The following MTPN variants were observed in gnomAD, a reference collection of about 807,000 sequenced individuals.
MTPN encodes myotrophin.
A neutral mutation model predicts 13.5 loss-of-function variants in MTPN; 2 were observed. That is an observed-to-expected ratio of 0.15 (90% CI 0.06 to 0.47). The LOEUF (loss-of-function observed/expected upper bound fraction) is 0.47. MTPN is among the 20% of genes least tolerant of loss of function. MTPN has a pLI of 0.97. For synonymous variants in MTPN, 46 were observed against 51.7 expected (o/e 0.89, Z 0.48); for missense variants, 79 against 137.9 (o/e 0.57, Z 2.14).
chr7:135,949,202 T>C, intron 3 of MTPN, among the ~76,000 whole-genome samples: 1 of 152,226 alleles, frequency 6.6e-6, no homozygotes, highest in East Asian at 1.9e-4. Flanking sequence ...TCCTAACTAA[T>C]ACAATATTGA....
chr7:135,972,371 A>AAG lies in MTPN; in HGVS notation c.72+4656_72+4657dup, dbSNP rs113177302. Among the ~76,000 whole-genome samples the AAG allele has an allele frequency of 1.2e-4, 19 of 152,368 alleles. No individual in the cohort carries two copies. In the South Asian group the frequency reaches 1.9e-3, roughly 15 times the overall value. The stretch of plus-strand genomic sequence containing the variant: ...GCCTCAGGTTCTTCATCCTTAAAAT[A>AAG]AGATTATTACTTATACTGAAACACT... On this transcript the variant is annotated intron_variant, in intron 1 of 3. Transcript: ENST00000393085.
At chr7:135,968,667 T>C (rs13246619) in intron 1 of MTPN, among the ~76,000 whole-genome samples, 1,760 of 151,290 alleles carry the variant, frequency 0.012, 16 homozygotes, top group African/African-American at 0.021. Flanking sequence ...CTAAGATGAT[T>C]CATAAAGAAT....
Position 135,929,430 on chromosome 7 carries a change from T to C in MTPN, c.*496A>G, listed in dbSNP as rs892725405. ...ACCTTATAGGCAGCGCTCTTAACTA[T>C]GCCAGGAAATCCCCAGTAGAGTGCA... On this transcript the variant is annotated 3_prime_UTR_variant, in exon 4 of 4. Transcript: ENST00000393085. The C allele has an allele frequency of 1.8e-5, 3 of 169,120 alleles. No individual in the cohort carries two copies. In the Admixed American group the frequency reaches 1.9e-4, roughly 11 times the overall value. The allele number at this position is 169,120 out of a possible 1,614,324, so 10.5% of individuals were successfully genotyped here. A position where few individuals can be genotyped will look rare whatever the true frequency, so the allele number is the denominator to read the frequency against.
chr7:135,930,124 T>A, intron 3 of MTPN, 112 bp from the exon 4 acceptor site: 1 of 903,762 alleles, frequency 1.1e-6, no homozygotes, highest in Non-Finnish European at 1.7e-6. Context: ...AAAAATTCCT[T>A]TACTAGTGGA....
chr7:135,961,933 TG>T (rs1233643278), intron 1 of MTPN, among the ~76,000 whole-genome samples: 1 of 152,002 alleles, frequency 6.6e-6, no homozygotes, highest in Non-Finnish European at 1.5e-5. Flanking sequence ...AAGCTAGTTA[TG>T]AATTATCTGA....
intron 1 of MTPN, among the ~76,000 whole-genome samples, chr7:135,972,231 G>GCGCGCGCGCGCACACACACACACACA (rs779296906): frequency 1.6e-5 from 2 of 124,714 alleles, no homozygotes; most frequent in African/African-American, 6.0e-5. Context: ...GCACGCGCGC[G>GCGCGCGCGCGCACACACACACACACA]CACACACACA....
intron 1 of MTPN, among the ~76,000 whole-genome samples, chr7:135,973,027 T>C (rs1273639708): frequency 6.6e-6 from 1 of 150,388 alleles, no homozygotes; most frequent in Non-Finnish European, 1.5e-5. Context: ...GCCCAGATAA[T>C]AGTGGCCTAG....
intron 3 of MTPN, among the ~76,000 whole-genome samples, chr7:135,940,031 G>T (rs1156858786): frequency 1.3e-5 from 2 of 152,056 alleles, no homozygotes; most frequent in East Asian, 3.9e-4. Flanking sequence ...TCATTAGAAA[G>T]AATACTGTCA....
chr7:135,951,124 C>T (rs767892553), intron 2 of MTPN, among the ~76,000 whole-genome samples: 1 of 152,140 alleles, frequency 6.6e-6, no homozygotes, highest in Non-Finnish European at 1.5e-5. Context: ...GAGATGACTG[C>T]GCTTATCTGA....
chr7:135,975,813 AC>A (rs1160709884), intron 1 of MTPN, among the ~76,000 whole-genome samples: 2 of 152,240 alleles, frequency 1.3e-5, no homozygotes, highest in African/African-American at 4.8e-5. Context: ...ACTGCAAAAA[AC>A]TAAGCAGGTA....
intron 1 of MTPN, among the ~76,000 whole-genome samples, chr7:135,973,422 C>A (rs1160524651): frequency 6.6e-6 from 1 of 151,244 alleles, no homozygotes; most frequent in Non-Finnish European, 1.5e-5. Context: ...CCAGTTTGGA[C>A]AAATGGTTGG....
In MTPN at chr7:135,977,168, C is replaced by A. The variant is rs569193933; in HGVS notation, c.-68G>T. The stretch of plus-strand genomic sequence containing the variant: ...AGGCGGTGGCAGCAGCAAGCGGATG[C>A]CGCCGGGCGAGAGGGAGGCAGGGCC... On this transcript the variant is annotated 5_prime_UTR_variant, in exon 1 of 4. Transcript: ENST00000393085. 668 of 1,540,706 alleles carry A rather than the reference C, an allele frequency of 4.3e-4. 6 individuals are homozygous for A. The African/African-American group carries it at 7.5e-3, about 17-fold the overall frequency.
chr7:135,955,248 GA>G (rs1031044842), intron 1 of MTPN, among the ~76,000 whole-genome samples: 2 of 151,592 alleles, frequency 1.3e-5, no homozygotes, highest in African/African-American at 2.4e-5. Flanking sequence ...TAAGAAACTA[GA>G]AAAAAAATTA....
chr7:135,967,450 G>A (rs1378314307), intron 1 of MTPN, among the ~76,000 whole-genome samples: 1 of 152,148 alleles, frequency 6.6e-6, no homozygotes, highest in Non-Finnish European at 1.5e-5. Context: ...GACTTCATTA[G>A]CAAACACAAT....
At chr7:135,942,535 C>T (rs981661004) in intron 3 of MTPN, among the ~76,000 whole-genome samples, 1 of 152,124 alleles carries the variant, frequency 6.6e-6, no homozygotes, top group African/African-American at 2.4e-5. Flanking sequence ...TGATGCTGGG[C>T]AAATTTCCTA....
chr7:135,935,799 T>C (rs2116346524), intron 3 of MTPN, among the ~76,000 whole-genome samples: 1 of 152,238 alleles, frequency 6.6e-6, no homozygotes, highest in South Asian at 2.1e-4. Flanking sequence ...ATGGTTTCTT[T>C]CTTGTCCCTG....
At chr7:135,944,836 T>C (rs572784068) in intron 3 of MTPN, among the ~76,000 whole-genome samples, 3 of 152,290 alleles carry the variant, frequency 2.0e-5, no homozygotes, top group Middle Eastern at 3.4e-3. Context: ...AGACCTCCAA[T>C]GGATGCCTTG....
intron 1 of MTPN, among the ~76,000 whole-genome samples, chr7:135,952,775 A>G (rs991801656): frequency 6.6e-6 from 1 of 152,148 alleles, no homozygotes; most frequent in African/African-American, 2.4e-5. Flanking sequence ...CAGCCTGGGA[A>G]ACATGGCAAA....
Position 135,972,219 on chromosome 7 carries a change from G to A in MTPN, c.72+4810C>T, listed in dbSNP as rs1186023873. 1.1e-3 allele frequency among the ~76,000 whole-genome samples: 85 copies of A among 77,534 alleles called. 1 individual carries two copies. The highest frequency in any genetic ancestry group is 4.1e-3 in the African/African-American group (78 of 18,836). The allele number at this position is 77,534 out of a possible 152,430, so 50.9% of individuals were successfully genotyped here. On this transcript the variant is annotated intron_variant, in intron 1 of 3. Coordinates refer to ENST00000393085, the MANE Select transcript of MTPN (RefSeq NM_145808.4). ...TGGTTATAAATACACACGCGCACAC[G>A]CGCACGCGCGCGCACACACACACAC... is the stretch of plus-strand genomic sequence containing the variant.
Sources: gnomAD v4.1 joint callset for allele counts (sites outside exome capture counted in the v4.1 genomes callset) on GRCh38, gnomAD v4.1.1 for gene constraint, MANE v1.5 for transcripts, NCBI Gene and HGNC (gene_info 2026-07-23, HGNC 2026-07-21) for gene names.